C7: variants seen among roughly 807,000 people sequenced by gnomAD.
The protein encoded by C7 is complement C7.
C7 carries 83 observed loss-of-function variants against 104.8 expected under a neutral mutation model. The ratio of observed to expected loss-of-function variants is 0.79; its 90% CI spans 0.66 to 0.95. C7 has a LOEUF of 0.95. Ranked by LOEUF, C7 falls within the 40% of genes least tolerant of loss-of-function variation. The pLI is 0.00. For synonymous variants in C7, 415 were observed against 360.6 expected, an observed-to-expected ratio of 1.15 and a Z score of -1.71; for missense variants, 1,070 against 1,011.2, an observed-to-expected ratio of 1.06 and a Z score of -0.79.
At chr5:40,961,738 C>T (rs1228329706) in intron 12 of C7, among the ~76,000 whole-genome samples, 1 of 152,138 alleles carries the variant, frequency 6.6e-6, no homozygotes, top group African/African-American at 2.4e-5. Context: ...AATTTCAGAA[C>T]CAAACGGCAA....
rs1053565832 is a variant in C7 at position 40,981,884 on chromosome 5, A to G, written c.*311A>G. The G allele has an allele frequency of 4.6e-6, 1 of 218,422 alleles. No individual in the cohort carries two copies. The highest frequency in any genetic ancestry group is 2.3e-5 in the African/African-American group (1 of 43,866). The allele number at this position is 218,422 out of a possible 1,614,324, so 13.5% of individuals were successfully genotyped here. A position where few individuals can be genotyped will look rare whatever the true frequency, so the allele number is the denominator to read the frequency against. ...ATCTGTAAAATTAGAGGATTGCACT[A>G]GAGAAACTTGAATGCTCCATTCAGG... On this transcript the variant is annotated 3_prime_UTR_variant, in exon 18 of 18. Transcript: ENST00000313164.
At chr5:40,967,573 A>T (rs1023681675) in intron 14 of C7, 2 of 170,712 alleles carry the variant, frequency 1.2e-5, no homozygotes, top group Non-Finnish European at 2.6e-5. Context: ...GGTCTAAGCA[A>T]TCTGACAAAT....
chr5:40,938,454 A>T (rs1435602377), intron 6 of C7, among the ~76,000 whole-genome samples: 1 of 151,846 alleles, frequency 6.6e-6, no homozygotes, highest in Non-Finnish European at 1.5e-5. Flanking sequence ...GCTGTTTCCA[A>T]TTTTTTCTTA....
intron 1 of C7, among the ~76,000 whole-genome samples, chr5:40,919,367 T>C (rs979016460): frequency 6.6e-6 from 1 of 152,068 alleles, no homozygotes; most frequent in Admixed American, 6.6e-5. Context: ...TCAAGTGATC[T>C]GCCCACCTTG....
intron 6 of C7, among the ~76,000 whole-genome samples, chr5:40,944,618 T>C (rs1000356297): frequency 6.6e-6 from 1 of 152,258 alleles, no homozygotes; most frequent in African/African-American, 2.4e-5. Flanking sequence ...CTGTCACTTC[T>C]CATTTAGCTA....
rs148037650 is a variant in C7 at position 40,947,567 on chromosome 5, C to T, written c.739-35C>T. 827 of 1,608,716 alleles carry T rather than the reference C, an allele frequency of 5.1e-4. 4 individuals carry two copies. The highest frequency in any genetic ancestry group is 3.9e-3 in the South Asian group (353 of 90,192). On this transcript the variant is annotated intron_variant, in intron 7 of 17. Transcript: ENST00000313164. ...ATTTCCATTGCCTTTTTATCTTCCA[C>T]CTAAAACTCCTTGTACTCTTTCTTC...
chr5:40,978,873 A>ATTTTTTTTTTTTTTTTTTTTTTTGTTT (rs1740875496), intron 16 of C7, among the ~76,000 whole-genome samples: 1 of 80,084 alleles, frequency 1.2e-5, no homozygotes. Flanking sequence ...TTTTATGGAA[A>ATTTTTTTTTTTTTTTTTTTTTTTGTTT]TTTTTTTTTT....
In C7 at chr5:40,949,900, C is replaced by T; in HGVS notation, c.983-4C>T. 1 of 1,541,722 alleles carries T rather than the reference C, an allele frequency of 6.5e-7. No individual in the cohort carries two copies. The highest frequency in any genetic ancestry group is 8.9e-7 in the Non-Finnish European group (1 of 1,127,296). ...ACATGTCTCTTTTACATTTTCTCCC[C>T]TAGATTTTAATTCAGTCGAAGAAAA... On this transcript the variant is annotated splice_polypyrimidine_tract_variant and splice_region_variant and intron_variant, in intron 8 of 17. Transcript: ENST00000313164.
At chr5:40,950,805 C>A (rs1740151683) in intron 9 of C7, among the ~76,000 whole-genome samples, 1 of 152,112 alleles carries the variant, frequency 6.6e-6, no homozygotes, top group African/African-American at 2.4e-5. Flanking sequence ...CATGGCTACT[C>A]CGTGGAGGTC....
rs748619539 is a variant in C7, at chr5:40,964,887, G to A, written c.1882+14G>A. On this transcript the variant is annotated intron_variant, in intron 14 of 17. Transcript: ENST00000313164. ...TGCATTGTCAGAGTGAGTGGCGTCAGTTGTATATAATTTAAGATGAGAAAA... is the reference window on the plus strand; with the variant it reads ...TGCATTGTCAGAGTGAGTGGCGTCAATTGTATATAATTTAAGATGAGAAAA... The A allele has an allele frequency of 1.7e-5, 28 of 1,612,752 alleles. No homozygotes were observed. Among genetic ancestry groups the A allele is most frequent in the Non-Finnish European group, 2.4e-5 (28 of 1,179,458 alleles).
At chr5:40,959,722 T>C (rs1740386052) in intron 12 of C7, 102 bp downstream of exon 12, 2 of 932,774 alleles carry the variant, frequency 2.1e-6, no homozygotes, top group Non-Finnish European at 3.1e-6. Context: ...AGAAGTTAAA[T>C]GGCTATTTTT....
rs766182545 is a variant in C7 at position 40,981,394 on chromosome 5, G to C, written c.2353G>C (p.Glu785Gln). The part of the protein sequence containing the change: ...ACPLWGKCDA[E>Q]SSKCVCREAS... ...GCCTCTTTCACTTACTTTTCCAGCT[G>C]AGAGCAGCAAATGTGTCTGCCGAGA... is the stretch of plus-strand genomic sequence containing the variant. Residue 785 changes from glutamate (E) to glutamine (Q), a missense_variant and splice_region_variant, in exon 18 of 18, where the codon GAG (glutamate) becomes CAG (glutamine). Transcript: ENST00000313164. 5 of 1,610,378 alleles carry C rather than the reference G, an allele frequency of 3.1e-6. No homozygotes were observed. Among genetic ancestry groups the C allele is most frequent in the Non-Finnish European group, 4.2e-6 (5 of 1,178,366 alleles).
intron 1 of C7, among the ~76,000 whole-genome samples, chr5:40,924,730 A>G (rs1739515694): frequency 6.6e-6 from 1 of 152,230 alleles, no homozygotes; most frequent in Non-Finnish European, 1.5e-5. Flanking sequence ...ACCACATGGA[A>G]GCTGCCAAGG....
Position 40,947,832 on chromosome 5 carries a change from A to G in C7, c.969A>G (p.Lys323=). Residue 323 remains lysine (K), a synonymous_variant, in exon 8 of 18, where the codon AAA becomes AAG. Coordinates refer to ENST00000313164, the MANE Select transcript of C7 (RefSeq NM_000587.4). The stretch of plus-strand genomic sequence containing the variant: ...TTCTATTTTATGTGGACTCAGAAAA[A>G]TTAAAACAAAATGGTACAGTATTAA... ...YRVLFYVDSE[K]LKQNDFNSVE... The G allele has an allele frequency of 1.2e-6, 2 of 1,611,736 alleles. No individual in the cohort carries two copies. The highest frequency in any genetic ancestry group is 1.1e-5 in the South Asian group (1 of 90,160).
chr5:40,938,360 A>G (rs1194775540), intron 6 of C7, among the ~76,000 whole-genome samples: 2 of 152,152 alleles, frequency 1.3e-5, no homozygotes, highest in East Asian at 1.9e-4. Context: ...TATAAATAGA[A>G]TCATATCTAT....
At chr5:40,967,069 A>ATTT (rs72111743) in intron 14 of C7, among the ~76,000 whole-genome samples, 2 of 127,838 alleles carry the variant, frequency 1.6e-5, no homozygotes, top group Admixed American at 8.2e-5. Context: ...TTTTCAAAGG[A>ATTT]TTTTTTTTTT....
intron 14 of C7, among the ~76,000 whole-genome samples, 183 bp downstream of exon 14, chr5:40,965,056 G>A (rs774668539): frequency 5.9e-5 from 9 of 152,140 alleles, no homozygotes; most frequent in Non-Finnish European, 1.2e-4. Context: ...AGTTGGTAAT[G>A]TTCCCATTCA....
chr5:40,918,616 C>T (rs894691163), intron 1 of C7, among the ~76,000 whole-genome samples: 2 of 151,156 alleles, frequency 1.3e-5, no homozygotes, highest in African/African-American at 2.4e-5. Context: ...TATTCCACAT[C>T]AATAGAAACC....
At chr5:40,964,029 T>G (rs10059797) in intron 13 of C7, among the ~76,000 whole-genome samples, 3,065 of 113,598 alleles carry the variant, frequency 0.027, 132 homozygotes, top group African/African-American at 0.12. Context: ...ACTTTTTTTT[T>G]TTTTTTTTTT....
Sources: allele counts gnomAD v4.1 joint callset (sites outside exome capture counted in the v4.1 genomes callset), GRCh38; gene constraint gnomAD v4.1.1; transcripts MANE v1.5; gene names NCBI Gene and HGNC (gene_info 2026-07-23, HGNC 2026-07-21).